PTCHD4: variants seen among roughly 807,000 people sequenced by gnomAD.
PTCHD4 encodes the protein patched domain containing 4.
Under a neutral mutation model 58.1 loss-of-function variants are expected in PTCHD4, and 33 were observed. That is an observed-to-expected ratio of 0.57 (90% CI 0.43 to 0.76). PTCHD4 has a LOEUF of 0.76. PTCHD4 is among the 30% of genes least tolerant of loss of function. The probability of loss-of-function intolerance (pLI) is 0.00; values close to 1 mark genes in which losing one functional copy is unlikely to be tolerated. For synonymous variants in PTCHD4, 478 were observed against 409.6 expected, an observed-to-expected ratio of 1.17 and a Z score of -2.02; for missense variants, 1,058 against 1,027.1, an observed-to-expected ratio of 1.03 and a Z score of -0.41.
At chr6:47,949,515 G>A (rs1053034453) in intron 4 of PTCHD4, among the ~76,000 whole-genome samples, 9 of 152,280 alleles carry the variant, frequency 5.9e-5, no homozygotes, top group South Asian at 2.1e-4. Context: ...AGCCACAAGC[G>A]GGAAATCTGC....
At chr6:48,039,153 C>G (rs1211571750) in intron 3 of PTCHD4, among the ~76,000 whole-genome samples, 1 of 151,962 alleles carries the variant, frequency 6.6e-6, no homozygotes, top group African/African-American at 2.4e-5. Context: ...ATGCAAATGC[C>G]CATGAACTTT....
intron 3 of PTCHD4, among the ~76,000 whole-genome samples, chr6:48,015,631 C>A (rs1762841132): frequency 6.6e-6 from 1 of 151,920 alleles, no homozygotes; most frequent in South Asian, 2.1e-4. Context: ...ATATTTGACC[C>A]ACAAGACCTA....
At chr6:48,100,297 G>A (rs886843335) in intron 1 of PTCHD4, among the ~76,000 whole-genome samples, 1 of 152,118 alleles carries the variant, frequency 6.6e-6, no homozygotes, top group Admixed American at 6.5e-5. Flanking sequence ...TAATGAATAT[G>A]GATTGTAAAA....
intron 4 of PTCHD4, among the ~76,000 whole-genome samples, chr6:47,916,210 C>G (rs1245142751): frequency 6.6e-6 from 1 of 152,078 alleles, no homozygotes; most frequent in Non-Finnish European, 1.5e-5. Flanking sequence ...CTGTGGCTCT[C>G]TCAGTAAATG....
At position 48,111,196 on chromosome 6, in the gene PTCHD4, C is replaced by A. The variant is rs1475706744; in HGVS notation, c.-1117G>T. Among the ~76,000 whole-genome samples the A allele has an allele frequency of 1.3e-5, 2 of 152,130 alleles. No individual in the cohort carries two copies. Among genetic ancestry groups the A allele is most frequent in the African/African-American group, 4.8e-5 (2 of 41,424 alleles). ...CCTCTACCGATGGCCAGACTTCTCA[C>A]TGGGCAAGTCTGGGCAAGCCTCCCA... is the stretch of plus-strand genomic sequence containing the variant. On this transcript the variant is annotated 5_prime_UTR_variant, in exon 1 of 5. Transcript: ENST00000339488.
intron 4 of PTCHD4, among the ~76,000 whole-genome samples, chr6:47,880,577 CG>C (rs1305008772): frequency 6.6e-6 from 1 of 151,658 alleles, no homozygotes; most frequent in Admixed American, 6.6e-5. Context: ...GCAAGACCTT[CG>C]GGGTGAAAAA....
At chr6:47,949,377 G>A (rs1766543998) in intron 4 of PTCHD4, among the ~76,000 whole-genome samples, 2 of 152,106 alleles carry the variant, frequency 1.3e-5, no homozygotes, top group Admixed American at 1.3e-4. Flanking sequence ...GGGCAGAAAG[G>A]GTCTTTGTGG....
chr6:48,025,235 A>C (rs1051017043), intron 3 of PTCHD4, among the ~76,000 whole-genome samples: 2 of 152,192 alleles, frequency 1.3e-5, no homozygotes, highest in African/African-American at 4.8e-5. Flanking sequence ...TGGATGGTAG[A>C]TATCTTAATT....
At chr6:48,042,230 T>G (rs1294694066) in intron 3 of PTCHD4, among the ~76,000 whole-genome samples, 1 of 151,966 alleles carries the variant, frequency 6.6e-6, no homozygotes, top group African/African-American at 2.4e-5. Flanking sequence ...CGTTGAGCAA[T>G]TATTAATCGA....
chr6:48,009,001 C>CT lies in PTCHD4; in HGVS notation c.530dup (p.Thr178AspfsTer17). On this transcript the variant is annotated frameshift_variant, in exon 4 of 5. Coordinates refer to ENST00000339488, the MANE Select transcript of PTCHD4 (RefSeq NM_001384253.1). LOFTEE classifies it high-confidence loss of function. ...GGTCTTGGGTGGCAGAGCCATAGGT[C>CT]TGGAGGTAGTAGGTGATTTGAATGG... The CT allele has an allele frequency of 6.2e-7, 1 of 1,613,952 alleles. No individual in the cohort carries two copies. The highest frequency in any genetic ancestry group is 8.5e-7 in the Non-Finnish European group (1 of 1,179,882).
chr6:47,970,447 G>C (rs1373615891), intron 4 of PTCHD4, among the ~76,000 whole-genome samples: 1 of 152,116 alleles, frequency 6.6e-6, no homozygotes, highest in African/African-American at 2.4e-5. Flanking sequence ...AAAAATGCAA[G>C]AATTTGCGGC....
rs1768018337 is a variant in PTCHD4, at chr6:47,985,231, G to A, written c.898+23403C>T. On this transcript the variant is annotated intron_variant, in intron 4 of 4. Transcript: ENST00000339488. ...ATAGTTGAATAAAAATCATCATGCT[G>A]ATAGAATTGATTCTCTATGCCTTAA... Among the ~76,000 whole-genome samples, 4 of 151,874 alleles carry A rather than the reference G, an allele frequency of 2.6e-5. No homozygotes were observed. The South Asian group carries it at 8.3e-4, about 31-fold the overall frequency.
intron 4 of PTCHD4, among the ~76,000 whole-genome samples, chr6:47,932,311 G>C (rs1369593796): frequency 3.3e-5 from 5 of 152,176 alleles, no homozygotes; most frequent in Admixed American, 3.3e-4. Context: ...CATTTAAAAA[G>C]TGAGTTCAGA....
Position 48,045,819 on chromosome 6 carries a change from G to T in PTCHD4, c.417+22411C>A, listed in dbSNP as rs1443388080. 4.0e-5 allele frequency among the ~76,000 whole-genome samples: 6 copies of T among 149,820 alleles called. No individual in the cohort carries two copies. In the East Asian group the frequency reaches 1.2e-3, roughly 29 times the overall value. On this transcript the variant is annotated intron_variant, in intron 3 of 4. Transcript: ENST00000339488. ...ACTCAGCTCTGCAGCTTTGAGTACA[G>T]AGATTGACTTTAACGCATCTTCATT...
chr6:48,098,786 C>A (rs950571471), intron 1 of PTCHD4, among the ~76,000 whole-genome samples: 1 of 152,074 alleles, frequency 6.6e-6, no homozygotes, highest in African/African-American at 2.4e-5. Context: ...ATGTCCCCAT[C>A]CTGTTTGAGT....
intron 4 of PTCHD4, among the ~76,000 whole-genome samples, chr6:47,938,485 C>T (rs562886477): frequency 9.2e-5 from 14 of 152,248 alleles, no homozygotes; most frequent in African/African-American, 2.4e-4. Context: ...TGTGATCCTA[C>T]GGAAATTTCT....
chr6:48,015,940 A>G (rs185707336), intron 3 of PTCHD4, among the ~76,000 whole-genome samples: 10 of 152,090 alleles, frequency 6.6e-5, no homozygotes, highest in Non-Finnish European at 1.5e-4. Context: ...TGCTAAGACC[A>G]GGACAAGTAG....
At chr6:47,985,429 TAGAC>T (rs1768027574) in intron 4 of PTCHD4, among the ~76,000 whole-genome samples, 1 of 152,250 alleles carries the variant, frequency 6.6e-6, no homozygotes, top group African/African-American at 2.4e-5. Context: ...AGCATATACA[TAGAC>T]AGCAAGAAAG....
intron 3 of PTCHD4, among the ~76,000 whole-genome samples, chr6:48,053,681 T>C (rs931574500): frequency 2.6e-5 from 4 of 152,198 alleles, no homozygotes; most frequent in Non-Finnish European, 5.9e-5. Context: ...CCTTTTAAAG[T>C]GTCTCCGGAC....
Sources: gnomAD v4.1 joint callset for allele counts (sites outside exome capture counted in the v4.1 genomes callset) on GRCh38, gnomAD v4.1.1 for gene constraint, MANE v1.5 for transcripts, NCBI Gene and HGNC (gene_info 2026-07-23, HGNC 2026-07-21) for gene names.